The following FBRSL1 variants were observed in gnomAD, a reference collection of about 807,000 sequenced individuals.
The protein encoded by FBRSL1 is fibrosin-1-like protein.
In FBRSL1, 51 loss-of-function variants were observed where a neutral mutation model predicts 89.6. The ratio of observed to expected loss-of-function variants is 0.57; its 90% confidence interval spans 0.45 to 0.72. The LOEUF (loss-of-function observed/expected upper bound fraction) is 0.72. Among genes scored for constraint, FBRSL1 ranks in the 30% least tolerant of loss-of-function variants. The pLI, the probability that FBRSL1 is intolerant of heterozygous loss-of-function variation, is 0.00. For synonymous variants in FBRSL1, 779 were observed against 681.1 expected, an observed-to-expected ratio of 1.14 and a Z score of -2.24; for missense variants, 1,618 against 1,451.8, an observed-to-expected ratio of 1.11 and a Z score of -1.86.
At chr12:132,560,894 G>C (rs7973990) in intron 5 of FBRSL1, among the ~76,000 whole-genome samples, 62,726 of 152,130 alleles carry the variant, frequency 0.41, 13,923 homozygotes, top group East Asian at 0.85. Context: ...GAAGTTAAGC[G>C]GGTCTGGTGG....
intron 1 of FBRSL1, among the ~76,000 whole-genome samples, chr12:132,502,854 C>T (rs1051223378): frequency 1.4e-5 from 2 of 141,068 alleles, no homozygotes; most frequent in Non-Finnish European, 3.1e-5. Flanking sequence ...TCCCCGCCCC[C>T]TCCTGTTCTC....
At chr12:132,550,229 G>A (rs1441122657) in intron 5 of FBRSL1, among the ~76,000 whole-genome samples, 2 of 152,092 alleles carry the variant, frequency 1.3e-5, no homozygotes, top group Non-Finnish European at 2.9e-5. Flanking sequence ...TGCGGAGGAC[G>A]GCAGGGGAGC....
intron 4 of FBRSL1, among the ~76,000 whole-genome samples, chr12:132,531,954 C>T (rs908635295): frequency 1.3e-5 from 2 of 152,204 alleles, no homozygotes; most frequent in African/African-American, 2.4e-5. Context: ...TCTCAGCCAC[C>T]GTCAGTGCTG....
chr12:132,575,888 G>A (rs2040353207), intron 14 of FBRSL1, among the ~76,000 whole-genome samples: 1 of 152,256 alleles, frequency 6.6e-6, no homozygotes, highest in Admixed American at 6.5e-5. Flanking sequence ...AGGCAGGACA[G>A]GCAGAGGCAG....
chr12:132,491,742 T>C (rs2031014423), intron 1 of FBRSL1, among the ~76,000 whole-genome samples: 1 of 152,252 alleles, frequency 6.6e-6, no homozygotes, highest in Non-Finnish European at 1.5e-5. Context: ...TGCAGGCCCC[T>C]GAAGCAGCAA....
intron 1 of FBRSL1, among the ~76,000 whole-genome samples, chr12:132,503,568 T>C (rs1037932363): frequency 2.6e-5 from 4 of 151,430 alleles, no homozygotes; most frequent in Non-Finnish European, 4.4e-5. Flanking sequence ...GCTGGAGGGG[T>C]AATTAGACCC....
chr12:132,568,144 T>C (rs1020199243), intron 6 of FBRSL1, among the ~76,000 whole-genome samples: 3 of 152,164 alleles, frequency 2.0e-5, no homozygotes, highest in Non-Finnish European at 2.9e-5. Flanking sequence ...AGCCCCAGCG[T>C]CTTCTTAGGG....
intron 1 of FBRSL1, among the ~76,000 whole-genome samples, chr12:132,497,171 C>T (rs1053508581): frequency 2.2e-4 from 34 of 152,240 alleles, no homozygotes; most frequent in African/African-American, 8.2e-4. Context: ...GAATTTATCA[C>T]TTTCTCAGCA....
In FBRSL1 at chr12:132,499,202, GGCCAGGCAGGGATGGT is replaced by G. The variant is rs1287495147; in HGVS notation, c.291+8345_291+8360del. 2.0e-5 allele frequency among the ~76,000 whole-genome samples: 3 copies of G among 152,138 alleles called. No homozygotes were observed. The highest frequency in any genetic ancestry group is 2.9e-5 in the Non-Finnish European group (2 of 68,008). ...GCTGCACAGTGGAGCCTCCAGGGCC[GGCCAGGCAGGGATGGT>G]GCCGGGCAGGGGTGGTGCCGGGCAG... On this transcript the variant is annotated intron_variant, in intron 1 of 18. Coordinates refer to ENST00000680143, the MANE Select transcript of FBRSL1 (RefSeq NM_001367871.1). The surrounding 1 kb of genome is among the most constrained non-coding windows in gnomAD (Gnocchi z 4.3).
chr12:132,515,493 G>T (rs932723578), intron 2 of FBRSL1, among the ~76,000 whole-genome samples: 1 of 137,554 alleles, frequency 7.3e-6, no homozygotes, highest in Non-Finnish European at 1.6e-5. Context: ...GGGAAAAGAA[G>T]AAAGGTCTAG....
intron 2 of FBRSL1, chr12:132,509,968 C>G: frequency 3.2e-6 from 4 of 1,231,490 alleles, no homozygotes; most frequent in Non-Finnish European, 4.0e-6. Context: ...CTGGGCCAGC[C>G]CAGCCGCCCC....
chr12:132,575,987 C>T (rs2040358567), intron 14 of FBRSL1, among the ~76,000 whole-genome samples: 1 of 152,230 alleles, frequency 6.6e-6, no homozygotes, highest in Admixed American at 6.5e-5. Flanking sequence ...TGGGCATCCC[C>T]AGTCTCCACC....
rs2037697514 is a variant in FBRSL1 at position 132,546,495 on chromosome 12, T to C, written c.616-1508T>C. On this transcript the variant is annotated intron_variant, in intron 4 of 18. Transcript: ENST00000680143. The surrounding 1 kb of genome is among the most constrained non-coding windows in gnomAD (Gnocchi z 4.0). ...CCCTAGGAGAGGGCTTGGCCACGGC[T>C]GAAAGGCCAGACCGGGGGGACCCTA... Among the ~76,000 whole-genome samples the C allele has an allele frequency of 2.0e-5, 3 of 150,290 alleles. No individual in the cohort carries two copies. In the South Asian group the frequency reaches 6.3e-4, roughly 31 times the overall value.
Position 132,572,313 on chromosome 12 carries a change from A to G in FBRSL1, c.1403A>G (p.Asp468Gly), listed in dbSNP as rs2040083130. The G allele has an allele frequency of 3.2e-6, 5 of 1,551,086 alleles. No individual in the cohort carries two copies. Among genetic ancestry groups the G allele is most frequent in the Non-Finnish European group, 4.4e-6 (5 of 1,146,726 alleles). ...CQFDKYAPKL[D>G]SPYFRHSSVS... is the part of the protein sequence containing the mutation. Reference sequence around the variant, plus strand: ...TTTGACAAGTATGCGCCCAAGCTGGACAGCCCCTACTTCCGACATTCCAGC... The same window carrying G: ...TTTGACAAGTATGCGCCCAAGCTGGGCAGCCCCTACTTCCGACATTCCAGC... Residue 468 changes from aspartate (D) to glycine (G), a missense_variant, in exon 10 of 19, where the codon GAC (aspartate) becomes GGC (glycine). Physicochemically the swap from Asp to Gly is moderately conservative, Grantham distance 94 (BLOSUM62 -1). Transcript: ENST00000680143.
chr12:132,508,651 C>T (rs1566113775), intron 2 of FBRSL1, among the ~76,000 whole-genome samples: 1 of 152,246 alleles, frequency 6.6e-6, no homozygotes, highest in Non-Finnish European at 1.5e-5. Flanking sequence ...GGCCCCGTTT[C>T]CCTGCCGTGT....
chr12:132,507,204 C>G (rs1050811348), intron 1 of FBRSL1: 1 of 985,510 alleles, frequency 1.0e-6, no homozygotes, highest in Admixed American at 6.1e-5. Context: ...GGCAGCAGCT[C>G]TGACATGGGT....
intron 5 of FBRSL1, chr12:132,554,993 A>T (rs975273719): frequency 6.6e-6 from 1 of 152,234 alleles, no homozygotes; most frequent in Non-Finnish European, 1.5e-5. Flanking sequence ...TCGAAATCGG[A>T]AACCAGACAT....
chr12:132,521,402 G>T (rs949034467), intron 2 of FBRSL1, among the ~76,000 whole-genome samples: 50 of 152,346 alleles, frequency 3.3e-4, no homozygotes, highest in African/African-American at 1.1e-3. Context: ...CAACTAGGGG[G>T]TGTGGGGGCC....
chr12:132,552,888 G>C (rs141744485), intron 5 of FBRSL1: 2 of 160,876 alleles, frequency 1.2e-5, no homozygotes, highest in African/African-American at 4.8e-5. Flanking sequence ...CGCTCACCCC[G>C]CAGTTGCTGG....
Sources: gnomAD v4.1 joint callset for allele counts (sites outside exome capture counted in the v4.1 genomes callset) on GRCh38, gnomAD v4.1.1 for gene constraint, Gnocchi (gnomAD v3.1) non-coding constraint, MANE v1.5 for transcripts, NCBI Gene and HGNC (gene_info 2026-07-23, HGNC 2026-07-21) for gene names.